Variants in ENAH observed in about 807,000 individuals in gnomAD.
ENAH encodes protein enabled homolog.
Under a neutral mutation model 78.7 loss-of-function variants are expected in ENAH, and 23 were observed. The ratio of observed to expected loss-of-function variants is 0.29; its 90% CI spans 0.21 to 0.41. The LOEUF (loss-of-function observed/expected upper bound fraction) is 0.41. Among genes scored for constraint, ENAH ranks in the 10% least tolerant of loss-of-function variants. The probability of loss-of-function intolerance (pLI) is 1.00; values close to 1 mark genes in which losing one functional copy is unlikely to be tolerated. For missense variants in ENAH, 544 were observed against 691.0 expected (o/e 0.79, Z 2.39); for synonymous variants, 226 against 241.0 (o/e 0.94, Z 0.58).
chr1:225,617,342 T>G (rs78865180), intron 1 of ENAH, among the ~76,000 whole-genome samples: 6,488 of 152,188 alleles, frequency 0.043, 219 homozygotes, highest in South Asian at 0.1. Context: ...CCAGGCCCTA[T>G]ACATTATCCT....
intron 3 of ENAH, among the ~76,000 whole-genome samples, chr1:225,538,086 G>A (rs919071961): frequency 6.6e-6 from 1 of 152,136 alleles, no homozygotes; most frequent in Non-Finnish European, 1.5e-5. Flanking sequence ...GCTTGAATCT[G>A]ATTTGCATTC....
At chr1:225,606,270 T>C (rs765667025) in intron 1 of ENAH, among the ~76,000 whole-genome samples, 2 of 152,020 alleles carry the variant, frequency 1.3e-5, no homozygotes, top group African/African-American at 2.4e-5. Context: ...GAGACCAGCC[T>C]GGCCAACACA....
At chr1:225,587,508 T>G (rs994937169) in intron 1 of ENAH, among the ~76,000 whole-genome samples, 5 of 152,160 alleles carry the variant, frequency 3.3e-5, no homozygotes, top group Non-Finnish European at 5.9e-5. Flanking sequence ...AAGAGAAATT[T>G]TAAAAAACTT....
chr1:225,488,135 C>T lies in ENAH; in HGVS notation c.*9640G>A, dbSNP rs972598079. The T allele has an allele frequency of 4.6e-5, 7 of 152,294 alleles. No homozygotes were observed. Among genetic ancestry groups the T allele is most frequent in the African/African-American group, 1.7e-4 (7 of 41,554 alleles). 9.4% of individuals were successfully genotyped at this position (152,294 alleles called of 1,614,324 possible). ...CCCATCCCTACAAAGGGGCAGCAGACAGCACAATAGTCAAGGACAAGGTTT... is the reference window on the plus strand; with the variant it reads ...CCCATCCCTACAAAGGGGCAGCAGATAGCACAATAGTCAAGGACAAGGTTT... On this transcript the variant is annotated 3_prime_UTR_variant, in exon 14 of 14. Transcript: ENST00000366843.
chr1:225,639,191 T>TA (rs1395123394), intron 1 of ENAH, among the ~76,000 whole-genome samples: 1 of 152,148 alleles, frequency 6.6e-6, no homozygotes, highest in Non-Finnish European at 1.5e-5. Flanking sequence ...TTTGGAAAGA[T>TA]ACTGACTGGG....
chr1:225,539,420 A>G (rs1211831466), intron 3 of ENAH, among the ~76,000 whole-genome samples: 1 of 152,202 alleles, frequency 6.6e-6, no homozygotes, highest in Non-Finnish European at 1.5e-5. Flanking sequence ...AACAAAGTAC[A>G]TATATATAAA....
At chr1:225,634,784 TCCTTACTATG>T (rs1401427889) in intron 1 of ENAH, among the ~76,000 whole-genome samples, 6 of 152,348 alleles carry the variant, frequency 3.9e-5, no homozygotes, top group South Asian at 2.1e-4. Flanking sequence ...TATAGGTATG[TCCTTACTATG>T]CCTTACTATG....
chr1:225,595,295 T>A (rs2096897221), intron 1 of ENAH, among the ~76,000 whole-genome samples: 1 of 151,754 alleles, frequency 6.6e-6, no homozygotes, highest in Non-Finnish European at 1.5e-5. Context: ...ATTACGCCAT[T>A]GCACTCTAGC....
At chr1:225,565,615 T>C (rs920099266) in intron 2 of ENAH, among the ~76,000 whole-genome samples, 14 of 152,226 alleles carry the variant, frequency 9.2e-5, no homozygotes, top group African/African-American at 2.9e-4. Flanking sequence ...CAACAATTTC[T>C]ACAAAATTTT....
At chr1:225,615,740 G>A (rs1260684662) in intron 1 of ENAH, among the ~76,000 whole-genome samples, 6 of 147,070 alleles carry the variant, frequency 4.1e-5, no homozygotes, top group Admixed American at 6.8e-5. Context: ...CCGCCACCCC[G>A]TCTGGGAGGT....
intron 1 of ENAH, among the ~76,000 whole-genome samples, chr1:225,571,208 A>C (rs2151539234): frequency 6.6e-6 from 1 of 151,740 alleles, no homozygotes; most frequent in South Asian, 2.1e-4. Flanking sequence ...CTGCATCTCT[A>C]CTAAAGATAC....
At chr1:225,561,785 G>A (rs565490794) in intron 2 of ENAH, among the ~76,000 whole-genome samples, 14 of 152,160 alleles carry the variant, frequency 9.2e-5, no homozygotes, top group Admixed American at 2.6e-4. Flanking sequence ...TGGTGGTGAC[G>A]TTCCATCTCA....
intron 3 of ENAH, among the ~76,000 whole-genome samples, chr1:225,551,539 C>G (rs1328488337): frequency 1.3e-5 from 2 of 152,066 alleles, no homozygotes; most frequent in Admixed American, 1.3e-4. Flanking sequence ...ACCATGGAGG[C>G]ATCTCAGTGG....
At chr1:225,505,738 T>A (rs2096323272) in intron 11 of ENAH, among the ~76,000 whole-genome samples, 1 of 150,384 alleles carries the variant, frequency 6.6e-6, no homozygotes, top group Admixed American at 6.6e-5. Flanking sequence ...TTAAAACAGC[T>A]TTTGGTGAAA....
At chr1:225,535,450 T>C in intron 3 of ENAH, 1 of 1,137,340 alleles carries the variant, frequency 8.8e-7, no homozygotes, top group Non-Finnish European at 1.2e-6. Context: ...GTTATGGAAA[T>C]GCGCAAGTAG....
intron 8 of ENAH, 53 bp downstream of exon 8, chr1:225,512,818 A>T: frequency 6.2e-7 from 1 of 1,608,744 alleles, no homozygotes; most frequent in Non-Finnish European, 8.5e-7. Context: ...TATTTGGAAT[A>T]CAATTAAAAT....
intron 12 of ENAH, 45 bp from the exon 13 acceptor site, chr1:225,498,449 C>T (rs770814124): frequency 2.5e-6 from 3 of 1,201,660 alleles, no homozygotes; most frequent in Non-Finnish European, 3.6e-6. Flanking sequence ...ACAAAATTAC[C>T]ACTAAAGAGA....
At chr1:225,515,821 C>T (rs1311305990) in intron 6 of ENAH, among the ~76,000 whole-genome samples, 2 of 152,198 alleles carry the variant, frequency 1.3e-5, no homozygotes, top group African/African-American at 2.4e-5. Flanking sequence ...TCTGTCCCTT[C>T]TGTAGGGGTT....
chr1:225,635,607 G>A (rs980899705), intron 1 of ENAH, among the ~76,000 whole-genome samples: 1 of 152,204 alleles, frequency 6.6e-6, no homozygotes, highest in African/African-American at 2.4e-5. Flanking sequence ...AGGAAACTCA[G>A]GCAAGAAGTT....
Sources: gnomAD v4.1 joint callset for allele counts (sites outside exome capture counted in the v4.1 genomes callset) on GRCh38, gnomAD v4.1.1 for gene constraint, MANE v1.5 for transcripts, NCBI Gene and HGNC (gene_info 2026-07-23, HGNC 2026-07-21) for gene names.